AFF2: variants seen among roughly 807,000 people sequenced by gnomAD.
AFF2 encodes the protein ALF transcription elongation factor 2.
A neutral mutation model predicts 76.9 loss-of-function variants in AFF2; 14 were observed. The observed-to-expected ratio is 0.18, with a 90% CI of 0.12 to 0.28. The LOEUF (loss-of-function observed/expected upper bound fraction) is 0.28, where lower values mean the gene tolerates loss of function less well. Among genes scored for constraint, AFF2 ranks in the 10% least tolerant of loss-of-function variants. The pLI is 1.00. For synonymous variants in AFF2, 398 were observed against 366.7 expected (o/e 1.09, Z -0.98); for missense variants, 868 against 1,001.1 (o/e 0.87, Z 1.79).
chrX:148,629,101 T>TTGTGTG (rs58772444), intron 1 of AFF2, among the ~76,000 whole-genome samples: 49 of 102,859 alleles, frequency 4.8e-4, no homozygotes, highest in African/African-American at 1.6e-3. Context: ...TGACAAGAGT[T>TTGTGTG]TGTGTGTGTG....
At chrX:148,792,231 T>G (rs2069905126) in intron 3 of AFF2, among the ~76,000 whole-genome samples, 1 of 111,834 alleles carries the variant, frequency 8.9e-6, no homozygotes, top group Non-Finnish European at 1.9e-5. Context: ...AATAAGCAAG[T>G]TAAAGGATAG....
intron 9 of AFF2, among the ~76,000 whole-genome samples, chrX:148,940,834 C>G (rs1557285494): frequency 9.0e-6 from 1 of 111,390 alleles, no homozygotes; most frequent in Non-Finnish European, 1.9e-5. Flanking sequence ...AAATGAGTTC[C>G]CCTAACATGA....
rs186536564 is a variant in AFF2, at chrX:148,606,396, G to T, written c.48-45603G>T. On this transcript the variant is annotated intron_variant, in intron 1 of 20. Coordinates refer to ENST00000370460, the MANE Select transcript of AFF2 (RefSeq NM_002025.4). ...TTATTAATGTTGATTTCCTTTTTTT[G>T]ATAATTCAATTAAGGTAATATAAGT... is the stretch of plus-strand genomic sequence containing the variant. 5.5e-3 allele frequency among the ~76,000 whole-genome samples: 610 copies of T among 110,210 alleles called. 6 individuals are homozygous for T. The highest frequency in any genetic ancestry group is 0.019 in the African/African-American group (581 of 30,397).
Position 148,998,403 on chromosome X carries a change from A to C in AFF2, c.*7071A>C, listed in dbSNP as rs1162197457. ...TTCAAAACATAACAGATTAATAAAA[A>C]TAGATGTGTCCTGATTTAAAACATG... On this transcript the variant is annotated 3_prime_UTR_variant, in exon 21 of 21. Coordinates refer to ENST00000370460, the MANE Select transcript of AFF2 (RefSeq NM_002025.4). 4 of 112,779 alleles carry C rather than the reference A, an allele frequency of 3.5e-5. No individual in the cohort carries two copies. The highest frequency in any genetic ancestry group is 7.5e-5 in the Non-Finnish European group (4 of 53,336). The allele number at this position is 112,779 out of a possible 1,213,427, so 9.3% of individuals were successfully genotyped here.
intron 3 of AFF2, among the ~76,000 whole-genome samples, chrX:148,773,717 A>AG (rs2069627683): frequency 9.9e-6 from 1 of 100,740 alleles, no homozygotes; most frequent in East Asian, 3.0e-4. Flanking sequence ...AAAGAAAGAA[A>AG]GAAAGAAAGA....
At chrX:148,562,869 A>G (rs942739074) in intron 1 of AFF2, among the ~76,000 whole-genome samples, 28 of 111,848 alleles carry the variant, frequency 2.5e-4, no homozygotes, top group African/African-American at 8.8e-4. Context: ...TTTACATTTC[A>G]GTCAGGGTCT....
chrX:148,772,268 G>A (rs1178890243), intron 3 of AFF2, among the ~76,000 whole-genome samples: 1 of 112,043 alleles, frequency 8.9e-6, no homozygotes, highest in Non-Finnish European at 1.9e-5. Flanking sequence ...TATTTAGAAG[G>A]CAATGTTTGA....
chrX:148,581,510 A>C (rs1274613667), intron 1 of AFF2, among the ~76,000 whole-genome samples: 3 of 96,107 alleles, frequency 3.1e-5, no homozygotes, highest in African/African-American at 1.2e-4. Flanking sequence ...ATATATACGT[A>C]TACGTCTACG....
rs138140272 is a variant in AFF2, at chrX:148,932,591, C to T, written c.1398-20989C>T. On this transcript the variant is annotated intron_variant, in intron 9 of 20. Coordinates refer to ENST00000370460, the MANE Select transcript of AFF2 (RefSeq NM_002025.4). ...CAAACTCATAAACACAGTCTCTCTC[C>T]GGTTGGGTTAACTGGGTTCCAGCAT... 2.1e-3 allele frequency among the ~76,000 whole-genome samples: 237 copies of T among 111,755 alleles called. 2 individuals are homozygous for T. Among genetic ancestry groups the T allele is most frequent in the African/African-American group, 7.0e-3 (215 of 30,738 alleles).
At chrX:148,839,429 T>C (rs1401212762) in intron 5 of AFF2, among the ~76,000 whole-genome samples, 1 of 111,941 alleles carries the variant, frequency 8.9e-6, no homozygotes, top group Non-Finnish European at 1.9e-5. Context: ...AATAATTTAA[T>C]CCCCACTACA....
At chrX:148,940,904 G>A (rs904627392) in intron 9 of AFF2, among the ~76,000 whole-genome samples, 5 of 111,348 alleles carry the variant, frequency 4.5e-5, no homozygotes, top group Non-Finnish European at 9.4e-5. Context: ...ATTTAACATT[G>A]ATGAGAAGGG....
intron 1 of AFF2, among the ~76,000 whole-genome samples, chrX:148,651,072 A>G (rs1401579177): frequency 8.9e-6 from 1 of 112,344 alleles, no homozygotes; most frequent in Non-Finnish European, 1.9e-5. Context: ...ATAAAATAAG[A>G]TACACCACTA....
chrX:148,709,807 C>T (rs1204269463), intron 3 of AFF2, among the ~76,000 whole-genome samples: 1 of 111,832 alleles, frequency 8.9e-6, no homozygotes, highest in Non-Finnish European at 1.9e-5. Flanking sequence ...TTACTTATCT[C>T]GCTTCAATTG....
intron 1 of AFF2, among the ~76,000 whole-genome samples, chrX:148,547,976 G>C (rs782793520): frequency 1.8e-5 from 2 of 111,999 alleles, no homozygotes; most frequent in African/African-American, 6.5e-5. Context: ...TGCTCATACC[G>C]CTAAGCTCTT....
intron 3 of AFF2, among the ~76,000 whole-genome samples, chrX:148,733,504 C>A (rs2055251217): frequency 9.0e-6 from 1 of 111,171 alleles, no homozygotes; most frequent in African/African-American, 3.3e-5. Context: ...GAAGTTGGAA[C>A]TCCGTAGGCT....
intron 7 of AFF2, among the ~76,000 whole-genome samples, chrX:148,881,222 G>C (rs907101544): frequency 2.7e-5 from 3 of 111,732 alleles, no homozygotes; most frequent in Non-Finnish European, 5.6e-5. Context: ...GTGTCCCAAC[G>C]GTTGTTTCTG....
intron 3 of AFF2, among the ~76,000 whole-genome samples, chrX:148,788,080 A>G (rs1391422940): frequency 9.0e-6 from 1 of 111,600 alleles, no homozygotes; most frequent in South Asian, 3.8e-4. Flanking sequence ...GGATGGCTAC[A>G]TTGTCATTCA....
At position 148,662,007 on chromosome X, in the gene AFF2, C is replaced by G. The variant is rs2054310675; in HGVS notation, c.280C>G (p.Leu94Val). 2.5e-6 allele frequency: 3 copies of G among 1,208,109 alleles called. No individual in the cohort carries two copies. The Admixed American group carries it at 6.6e-5, about 26-fold the overall frequency. The change falls in exon 3 of 21, where the codon CTA becomes GTA. Residue 94 changes from leucine (L) to valine (V), a missense_variant. Leu to Val is a conservative substitution (Grantham distance 32, BLOSUM62 1). Transcript: ENST00000370460. ...LLTNHSNQNH[L>V]VGIPKNSVPQ... is the part of the protein sequence containing the mutation. ...AACTAACCATTCTAATCAGAATCAC[C>G]TAGTGGGAATTCCAAAGAATTCTGT...
chrX:148,639,377 C>G (rs1036748848), intron 1 of AFF2, among the ~76,000 whole-genome samples: 3 of 112,139 alleles, frequency 2.7e-5, no homozygotes, highest in Non-Finnish European at 5.6e-5. Context: ...AATATCATCT[C>G]AATATACCCC....
Sources: gnomAD v4.1 joint callset for allele counts (sites outside exome capture counted in the v4.1 genomes callset) on GRCh38, gnomAD v4.1.1 for gene constraint, MANE v1.5 for transcripts, NCBI Gene and HGNC (gene_info 2026-07-23, HGNC 2026-07-21) for gene names.